Variants in IL18RAP observed in about 807,000 individuals in gnomAD.
IL18RAP encodes interleukin 18 receptor accessory protein.
Under a neutral mutation model 58.1 loss-of-function variants are expected in IL18RAP, and 37 were observed. That is an observed-to-expected ratio of 0.64 (90% confidence interval 0.49 to 0.84). The LOEUF (loss-of-function observed/expected upper bound fraction) is 0.84. Ranked by LOEUF, IL18RAP falls within the 40% of genes least tolerant of loss-of-function variation. IL18RAP has a pLI of 0.00. For missense variants in IL18RAP, 667 were observed against 704.8 expected (o/e 0.95, Z 0.61); for synonymous variants, 268 against 257.5 (o/e 1.04, Z -0.39).
intron 3 of IL18RAP, among the ~76,000 whole-genome samples, chr2:102,427,988 T>G (rs1682068993): frequency 6.6e-6 from 1 of 151,676 alleles, no homozygotes; most frequent in Admixed American, 6.6e-5. Flanking sequence ...ATCTTTTTTT[T>G]TTTTTTTAAT....
At chr2:102,427,267 C>A (rs1221489595) in intron 3 of IL18RAP, among the ~76,000 whole-genome samples, 5 of 152,008 alleles carry the variant, frequency 3.3e-5, no homozygotes, top group Non-Finnish European at 7.4e-5. Context: ...GGATATGTAC[C>A]CAAAAGTGGG....
chr2:102,420,572 C>T (rs965134515), upstream of IL18RAP, among the ~76,000 whole-genome samples: 23 of 152,234 alleles, frequency 1.5e-4, no homozygotes, highest in African/African-American at 4.8e-4. Context: ...TGCTGGGCAT[C>T]GTGGTAACTA....
rs963526582 is a variant in IL18RAP at position 102,452,189 on chromosome 2, C to A, written c.*8C>A. ...CAGCCTAAGGAATGGTGAAATGAGC[C>A]CTGGAGCCCCCTCCAGTCCAGTCCC... On this transcript the variant is annotated 3_prime_UTR_variant, in exon 10 of 10. Coordinates refer to ENST00000687160, the MANE Select transcript of IL18RAP (RefSeq NM_001393487.1). The A allele has an allele frequency of 2.0e-5, 32 of 1,586,738 alleles. No individual in the cohort carries two copies. Among genetic ancestry groups the A allele is most frequent in the East Asian group, 2.2e-5 (1 of 44,698 alleles).
chr2:102,426,431 A>AT (rs5833015), intron 3 of IL18RAP, among the ~76,000 whole-genome samples: 117,806 of 151,932 alleles, frequency 0.78, 46,708 homozygotes, highest in African/African-American at 0.9. Flanking sequence ...GATTGTTTAA[A>AT]TTTTTTTCAA....
At chr2:102,435,417 G>A (rs866347258) in intron 3 of IL18RAP, 1 of 152,190 alleles carries the variant, frequency 6.6e-6, no homozygotes, top group South Asian at 2.1e-4. Flanking sequence ...AGCATATTTG[G>A]TGTTTTTCTG....
At chr2:102,425,231 ATG>A (rs1269589252) in intron 3 of IL18RAP, among the ~76,000 whole-genome samples, 1 of 152,154 alleles carries the variant, frequency 6.6e-6, no homozygotes, top group African/African-American at 2.4e-5. Context: ...CTCATAATAT[ATG>A]TGTTTGTTAA....
upstream of IL18RAP, among the ~76,000 whole-genome samples, chr2:102,422,478 G>C (rs967473106): frequency 6.6e-6 from 1 of 152,156 alleles, no homozygotes; most frequent in Non-Finnish European, 1.5e-5. Flanking sequence ...CTGAGACCCT[G>C]CTCTGAGCCA....
rs1440916293 is a variant in IL18RAP at position 102,443,341 on chromosome 2, G to A, written c.920+18G>A. 25 of 1,609,796 alleles carry A rather than the reference G, an allele frequency of 1.6e-5. No individual in the cohort carries two copies. The highest frequency in any genetic ancestry group is 2.2e-5 in the East Asian group (1 of 44,822). The stretch of plus-strand genomic sequence containing the variant: ...GCGAAAAGGTAAGAAAAAAACTCAC[G>A]GATTCTGTTCTCTGCAATTCAGAAG... On this transcript the variant is annotated intron_variant, in intron 6 of 9. Coordinates refer to ENST00000687160, the MANE Select transcript of IL18RAP (RefSeq NM_001393487.1).
chr2:102,418,631 G>C (rs142521345), upstream of IL18RAP: 1 of 152,224 alleles, frequency 6.6e-6, no homozygotes. Flanking sequence ...CTTCTTCAGA[G>C]CACTTCCTAC....
At chr2:102,420,207 C>T (rs1465457302), upstream of IL18RAP, among the ~76,000 whole-genome samples, 1 of 152,204 alleles carries the variant, frequency 6.6e-6, no homozygotes, top group Non-Finnish European at 1.5e-5. Context: ...TACTGTAACT[C>T]AGCACTAACC....
rs143081976 is a variant in IL18RAP at position 102,451,960 on chromosome 2, G to A, written c.1579G>A (p.Val527Met). The A allele has an allele frequency of 5.6e-6, 9 of 1,613,950 alleles. No homozygotes were observed. The highest frequency in any genetic ancestry group is 3.3e-4 in the Middle Eastern group (2 of 6,084). The stretch of plus-strand genomic sequence containing the variant: ...AGAGCCAGAGTCTCTACCTCATCTC[G>A]TGAAAAAAGCTCTCAGGGTTTTGCC... ...FQEPESLPHL[V>M]KKALRVLPTV... Residue 527 changes from valine to methionine, a missense_variant, in exon 10 of 10, where the codon GTG becomes ATG. Physicochemically the swap from Val to Met is conservative, Grantham distance 21. Transcript: ENST00000687160.
At chr2:102,427,665 G>A (rs886271035) in intron 3 of IL18RAP, among the ~76,000 whole-genome samples, 66 of 151,864 alleles carry the variant, frequency 4.3e-4, no homozygotes, top group Admixed American at 4.3e-3. Context: ...CATTTGGTGG[G>A]TTGTTTCCTT....
At chr2:102,441,922 G>A (rs1683130528) in intron 5 of IL18RAP, among the ~76,000 whole-genome samples, 1 of 152,070 alleles carries the variant, frequency 6.6e-6, no homozygotes, top group Non-Finnish European at 1.5e-5. Flanking sequence ...GAAATAATGG[G>A]ACAATGTATG....
intron 8 of IL18RAP, among the ~76,000 whole-genome samples, chr2:102,447,640 C>G (rs1683508381): frequency 6.6e-6 from 1 of 151,986 alleles, no homozygotes; most frequent in Non-Finnish European, 1.5e-5. Context: ...TGTCATAGCA[C>G]CAATTGCAAA....
At chr2:102,441,792 G>A (rs1683119446) in intron 5 of IL18RAP, among the ~76,000 whole-genome samples, 1 of 152,020 alleles carries the variant, frequency 6.6e-6, no homozygotes, top group Non-Finnish European at 1.5e-5. Flanking sequence ...GGATGACAAG[G>A]CAGGAGAATC....
At chr2:102,443,351 C>A (rs1180705110) in intron 6 of IL18RAP, 28 bp downstream of exon 6, 4 of 1,606,998 alleles carry the variant, frequency 2.5e-6, no homozygotes, top group African/African-American at 2.7e-5. Context: ...GGATTCTGTT[C>A]TCTGCAATTC....
intron 5 of IL18RAP, among the ~76,000 whole-genome samples, chr2:102,442,046 G>A (rs1683137426): frequency 1.3e-5 from 2 of 152,050 alleles, no homozygotes; most frequent in African/African-American, 2.4e-5. Context: ...CTACAAATTC[G>A]CCAACCTGAG....
chr2:102,433,424 A>G (rs753317341), intron 3 of IL18RAP, among the ~76,000 whole-genome samples: 3 of 152,136 alleles, frequency 2.0e-5, no homozygotes, highest in Non-Finnish European at 4.4e-5. Flanking sequence ...GGGTTTCACT[A>G]TGTTGCTCAG....
intron 3 of IL18RAP, among the ~76,000 whole-genome samples, chr2:102,436,145 C>A (rs1682718705): frequency 1.3e-5 from 2 of 152,186 alleles, no homozygotes; most frequent in South Asian, 2.1e-4. Flanking sequence ...ACATACTAAG[C>A]CTCACTTACC....
Sources: allele counts gnomAD v4.1 joint callset (sites outside exome capture counted in the v4.1 genomes callset), GRCh38; gene constraint gnomAD v4.1.1; transcripts MANE v1.5; gene names NCBI Gene and HGNC (gene_info 2026-07-23, HGNC 2026-07-21).